Variants in KMT2D observed in about 807,000 individuals in gnomAD.
KMT2D encodes the protein lysine methyltransferase 2D.
KMT2D carries 55 observed loss-of-function variants against 512.7 expected under a neutral mutation model. The observed-to-expected ratio is 0.11, with a 90% confidence interval of 0.09 to 0.13. The LOEUF (loss-of-function observed/expected upper bound fraction) is 0.13. Among genes scored for constraint, KMT2D ranks in the 10% least tolerant of loss-of-function variants. The probability of loss-of-function intolerance (pLI) is 1.00; values close to 1 mark genes in which losing one functional copy is unlikely to be tolerated. For missense variants in KMT2D, 6,061 were observed against 7,127.9 expected (o/e 0.85, Z 5.39); for synonymous variants, 2,995 against 2,904.0 (o/e 1.03, Z -1.01).
chr12:49,045,660 A>AG (rs1176456230), intron 19 of KMT2D, among the ~76,000 whole-genome samples: 2 of 151,720 alleles, frequency 1.3e-5, no homozygotes, highest in Non-Finnish European at 1.5e-5. Flanking sequence ...AAAAAAAAAA[A>AG]AGAGATCTGA....
At position 49,029,493 on chromosome 12, in the gene KMT2D, GAGA is replaced by G. The variant is rs1162621670; in HGVS notation, c.14000-20_14000-18del. 1.3e-6 allele frequency: 2 copies of G among 1,549,712 alleles called. No individual in the cohort carries two copies. The highest frequency in any genetic ancestry group is 1.4e-5 in the African/African-American group (1 of 72,960). On this transcript the variant is annotated intron_variant, in intron 43 of 54. Transcript: ENST00000301067. Reference sequence around the variant, plus strand: ...CTGAAGTATCTGAGGGGTGGGTAGGGAGAAGAAAAGTCAGGTGAGGGTGGCCAG... The same window carrying G: ...CTGAAGTATCTGAGGGGTGGGTAGGGAGAAAAGTCAGGTGAGGGTGGCCAG...
Position 49,050,336 on chromosome 12 carries a change from T to G in KMT2D, c.3252A>C (p.Pro1084=). 2 of 1,611,504 alleles carry G rather than the reference T, an allele frequency of 1.2e-6. No individual in the cohort carries two copies. The highest frequency in any genetic ancestry group is 1.7e-6 in the Non-Finnish European group (2 of 1,178,744). Residue 1084 remains proline (P), a synonymous_variant, in exon 12 of 55, where the codon CCA becomes CCC. Transcript: ENST00000301067. ...GACTGGTGGCACTGGGTTCCAAGGCTGGGCATTCAGGTTCTGAAACTTTCT... is the reference window on the plus strand; with the variant it reads ...GACTGGTGGCACTGGGTTCCAAGGCGGGGCATTCAGGTTCTGAAACTTTCT... ...ETEKVSEPEC[P]ALEPSATSPL...
In KMT2D at chr12:49,043,902, C is replaced by T. The variant is rs777604931; in HGVS notation, c.5285G>A (p.Ser1762Asn). The T allele has an allele frequency of 1.9e-6, 3 of 1,614,074 alleles. No homozygotes were observed. The highest frequency in any genetic ancestry group is 2.2e-5 in the East Asian group (1 of 44,888). ...KKQQRRGRKK[S>N]KLEDMFPAYL... The stretch of plus-strand genomic sequence containing the variant: ...AGCAGGGAACATGTCCTCCAGTTTG[C>T]TCTTCTTGCGCCCTCGCCGCTGTTG... Residue 1762 changes from serine (S) to asparagine (N), a missense_variant, in exon 23 of 55, where the codon AGC (serine) becomes AAC (asparagine). Transcript: ENST00000301067.
rs1361679545 is a variant in KMT2D at position 49,034,056 on chromosome 12, C to T, written c.10740+11G>A. 3.7e-6 allele frequency: 6 copies of T among 1,609,242 alleles called. No homozygotes were observed. The African/African-American group carries it at 8.0e-5, about 21-fold the overall frequency. ...CTTCTGGGTGCTAGGCTGAAGTTTG[C>T]TTTCCCCCACCTGATCCAGTTGTTT... On this transcript the variant is annotated intron_variant, in intron 39 of 54. Coordinates refer to ENST00000301067, the MANE Select transcript of KMT2D (RefSeq NM_003482.4).
intron 35 of KMT2D, among the ~76,000 whole-genome samples, chr12:49,036,814 T>C (rs1943247132): frequency 6.6e-6 from 1 of 152,188 alleles, no homozygotes; most frequent in African/African-American, 2.4e-5. Flanking sequence ...CTGCTTTTTT[T>C]TGCACCACTT....
rs751946037 is a variant in KMT2D at position 49,034,208 on chromosome 12, A to G, written c.10599T>C (p.Gly3533=). Reference sequence around the variant, plus strand: ...GAGCCTTCCGGGACTTGCGGTGTACACCAATCTGCTCCTCTAGCACCTTCA... The same window carrying G: ...GAGCCTTCCGGGACTTGCGGTGTACGCCAATCTGCTCCTCTAGCACCTTCA... ...MQLKVLEEQI[G]VHRKSRKALC... The change falls in exon 39 of 55, where the codon GGT becomes GGC. Residue 3533 remains glycine (G), a synonymous_variant. Transcript: ENST00000301067. 2.0e-5 allele frequency: 32 copies of G among 1,613,368 alleles called. 1 individual carries two copies. The Admixed American group carries it at 2.0e-4, about 10-fold the overall frequency.
rs2120540825 is a variant in KMT2D, at chr12:49,041,056, G to A, written c.6714C>T (p.Pro2238=). 6.5e-7 allele frequency: 1 copy of A among 1,545,250 alleles called. No homozygotes were observed. Residue 2238 remains proline (P), a synonymous_variant, in exon 32 of 55, where the codon CCC becomes CCT. Coordinates refer to ENST00000301067, the MANE Select transcript of KMT2D (RefSeq NM_003482.4). The surrounding 1 kb of genome is among the most constrained non-coding windows in gnomAD (Gnocchi z 5.4). The part of the protein sequence containing the change: ...TTPPGTPRHQ[P]STPDPFLKPR... ...GTTTGAGGAATGGGTCAGGTGTGGA[G>A]GGCTGGTGTCTGGGGGTGCCAGGTG...
intron 35 of KMT2D, chr12:49,036,086 A>G (rs1052541715): frequency 1.3e-5 from 2 of 152,248 alleles, no homozygotes; most frequent in Non-Finnish European, 2.9e-5. Context: ...GACAAAAAGT[A>G]TAAAGTGCTC....
At position 49,028,149 on chromosome 12, in the gene KMT2D, G is replaced by A. The variant is rs772023281; in HGVS notation, c.14383-8C>T. On this transcript the variant is annotated splice_polypyrimidine_tract_variant and splice_region_variant and intron_variant, in intron 46 of 54. Transcript: ENST00000301067. ...CATCACGCCATTCAGGTTCTGCCAG[G>A]GCCAGGGAAGGGATGGAAGAAACAT... 3.1e-6 allele frequency: 5 copies of A among 1,613,826 alleles called. No homozygotes were observed. Among genetic ancestry groups the A allele is most frequent in the South Asian group, 2.2e-5 (2 of 91,068 alleles).
chr12:49,038,248 G>C lies in KMT2D; in HGVS notation c.9108C>G (p.Pro3036=), dbSNP rs779585766. 1.2e-6 allele frequency: 2 copies of C among 1,613,830 alleles called. No homozygotes were observed. The highest frequency in any genetic ancestry group is 1.1e-5 in the South Asian group (1 of 91,082). The change falls in exon 35 of 55, where the codon CCC becomes CCG. Residue 3036 remains proline (P), a synonymous_variant. Transcript: ENST00000301067. The surrounding 1 kb of genome is among the most constrained non-coding windows in gnomAD (Gnocchi z 5.7). ...CTCCATTGAGCAGGTCATCCAAGTG[G>C]GGGTCATTGGTCTCCAGGTTTTCTA... ...GTLENLETND[P]HLDDLLNGDE...
chr12:49,040,377 G>A lies in KMT2D; in HGVS notation c.7393C>T (p.Pro2465Ser), dbSNP rs2120528088. 6.4e-7 allele frequency: 1 copy of A among 1,565,684 alleles called. No homozygotes were observed. Among genetic ancestry groups the A allele is most frequent in the Non-Finnish European group, 8.7e-7 (1 of 1,155,226 alleles). Reference sequence around the variant, plus strand: ...TGGGGTCGGGGTGGCTTATGCAATGGGGCAAATGGGTCACGGGACTGAGGG... The same window carrying A: ...TGGGGTCGGGGTGGCTTATGCAATGAGGCAAATGGGTCACGGGACTGAGGG... Reference protein sequence around the residue: ...SRPQSRDPFAPLHKPPRPQPP... With the variant: ...SRPQSRDPFASLHKPPRPQPP... Residue 2465 changes from proline (P) to serine (S), a missense_variant, in exon 32 of 55, where the codon CCA (proline) becomes TCA (serine). This residue lies in a region of KMT2D where 710 missense variants were observed against 647.3 expected (regional missense o/e 1.10). Transcript: ENST00000301067.
chr12:49,040,076 T>C lies in KMT2D; in HGVS notation c.7694A>G (p.His2565Arg), dbSNP rs2120521844. The C allele has an allele frequency of 1.2e-6, 2 of 1,613,912 alleles. No individual in the cohort carries two copies. The highest frequency in any genetic ancestry group is 4.5e-5 in the East Asian group (2 of 44,866). The change falls in exon 32 of 55, where the codon CAT (histidine) becomes CGT (arginine). Residue 2565 changes from histidine (H) to arginine (R), a missense_variant. Physicochemically the swap from His to Arg is conservative, Grantham distance 29. Around this residue, in one of 16 missense-constraint regions of KMT2D, gnomAD observed 710 missense variants for 647.3 expected, o/e 1.10. Transcript: ENST00000301067. ...GLPPPHGINSHFGPGPTLGKP... is the reference protein window; with the variant it reads ...GLPPPHGINSRFGPGPTLGKP... ...GCCCAAGGTGGGGCCGGGCCCAAAA[T>C]GGCTGTTGATCCCATGGGGTGGCGG...
In KMT2D at chr12:49,026,134, GA is replaced by G. The variant is rs1361748924; in HGVS notation, c.15784+47del. 6.7e-7 allele frequency: 1 copy of G among 1,498,748 alleles called. No homozygotes were observed. Among genetic ancestry groups the G allele is most frequent in the African/African-American group, 1.4e-5 (1 of 71,374 alleles). The allele number at this position is 1,498,748 out of a possible 1,614,324, so 92.8% of individuals were successfully genotyped here. ...AGACATTGTAACAGTGACCCTGGGA[GA>G]AACTTTTCCCATTCCATATTATCCA... On this transcript the variant is annotated intron_variant, in intron 49 of 54. Coordinates refer to ENST00000301067, the MANE Select transcript of KMT2D (RefSeq NM_003482.4). The surrounding 1 kb of genome is among the most constrained non-coding windows in gnomAD (Gnocchi z 9.6).
chr12:49,046,288 G>C lies in KMT2D; in HGVS notation c.4555C>G (p.Leu1519Val), dbSNP rs2120603853. The change falls in exon 17 of 55, where the codon CTA (leucine) becomes GTA (valine). Residue 1519 changes from leucine to valine, a missense_variant. Leu to Val is a conservative substitution (Grantham distance 32, BLOSUM62 1). Transcript: ENST00000301067. The surrounding 1 kb of genome is among the most constrained non-coding windows in gnomAD (Gnocchi z 4.2). The part of the protein sequence containing the change: ...ICHAPYVEED[L>V]LIQCRHCERW... ...TCACAGTGGCGGCACTGGATTAGTA[G>C]GTCCTCTTCTACGTAAGGAGCATGA... 6.2e-7 allele frequency: 1 copy of C among 1,613,982 alleles called. No homozygotes were observed. Among genetic ancestry groups the C allele is most frequent in the South Asian group, 1.1e-5 (1 of 91,084 alleles).
rs779328648 is a variant in KMT2D at position 49,053,504 on chromosome 12, G to A, written c.811C>T (p.Pro271Ser). The A allele has an allele frequency of 6.2e-7, 1 of 1,609,234 alleles. No individual in the cohort carries two copies. The highest frequency in any genetic ancestry group is 8.5e-7 in the Non-Finnish European group (1 of 1,177,680). The change falls in exon 7 of 55, where the codon CCT (proline) becomes TCT (serine). Residue 271 changes from proline to serine, a missense_variant. By Grantham distance (74) the Pro-to-Ser change is moderately conservative. This residue lies in a region of KMT2D where 160 missense variants were observed against 225.8 expected (regional missense o/e 0.71). Coordinates refer to ENST00000301067, the MANE Select transcript of KMT2D (RefSeq NM_003482.4). ...CAGGCTTGGCACACTTTGCATTCAG[G>A]GCACTGCCAGCCAGCACGTTTGCGG... The part of the protein sequence containing the change: ...TARKRAGWQC[P>S]ECKVCQACRK...
In KMT2D at chr12:49,050,696, T is replaced by G. The variant is rs2120655505; in HGVS notation, c.2892A>C (p.Lys964Asn). 6.2e-7 allele frequency: 1 copy of G among 1,613,398 alleles called. No individual in the cohort carries two copies. The highest frequency in any genetic ancestry group is 8.5e-7 in the Non-Finnish European group (1 of 1,179,728). The stretch of plus-strand genomic sequence containing the variant: ...ACGGTGACTCAGGGTCACTGTCCCC[T>G]TTGGCACCAAAGGGGTACTCTAACT... ...LGELEYPFGA[K>N]GDSDPESPLA... Residue 964 changes from lysine (K) to asparagine (N), a missense_variant, in exon 12 of 55, where the codon AAA (lysine) becomes AAC (asparagine). Around this residue, in one of 16 missense-constraint regions of KMT2D, gnomAD observed 848 missense variants for 838.5 expected, o/e 1.01. Coordinates refer to ENST00000301067, the MANE Select transcript of KMT2D (RefSeq NM_003482.4).
rs587778482 is a variant in KMT2D, at chr12:49,030,310, A to G, written c.13969T>C (p.Ser4657Pro). The G allele has an allele frequency of 6.3e-7, 1 of 1,586,560 alleles. No individual in the cohort carries two copies. Among genetic ancestry groups the G allele is most frequent in the Non-Finnish European group, 8.6e-7 (1 of 1,164,118 alleles). The change falls in exon 43 of 55, where the codon TCT (serine) becomes CCT (proline). Residue 4657 changes from serine (S) to proline (P), a missense_variant. Ser to Pro is a moderately conservative substitution (Grantham distance 74, BLOSUM62 -1). Coordinates refer to ENST00000301067, the MANE Select transcript of KMT2D (RefSeq NM_003482.4). ...AGTGCCCTTTCACTATCCCGGGCAG[A>G]GGCAGCATCCTTGGGGTGCTCCCCC... ...ELGEHPKDAA[S>P]ARDSERALRD... is the part of the protein sequence containing the mutation.
rs2120676858 is a variant in KMT2D at position 49,051,816 on chromosome 12, C to T, written c.1867G>A (p.Ala623Thr). Reference sequence around the variant, plus strand: ...TCAGGTGGTGGGGACAGGCGTGATGCCTCAGGTGGTGGGGAAAGGGGAGAC... The same window carrying T: ...TCAGGTGGTGGGGACAGGCGTGATGTCTCAGGTGGTGGGGAAAGGGGAGAC... ...EESPLSPPPEASRLSPPPEDS... is the reference protein window; with the variant it reads ...EESPLSPPPETSRLSPPPEDS... The change falls in exon 11 of 55, where the codon GCA becomes ACA. Residue 623 changes from alanine (A) to threonine (T), a missense_variant. Ala to Thr is a moderately conservative substitution (Grantham distance 58). This residue lies in a region of KMT2D where 848 missense variants were observed against 838.5 expected (regional missense o/e 1.01). Transcript: ENST00000301067. 1.2e-6 allele frequency: 2 copies of T among 1,612,834 alleles called. No homozygotes were observed. Among genetic ancestry groups the T allele is most frequent in the South Asian group, 1.1e-5 (1 of 91,046 alleles).
chr12:49,042,415 C>A lies in KMT2D; in HGVS notation c.5868-85G>T. The A allele has an allele frequency of 6.7e-7, 1 of 1,502,500 alleles. No homozygotes were observed. The highest frequency in any genetic ancestry group is 1.3e-5 in the South Asian group (1 of 76,192). The allele number at this position is 1,502,500 out of a possible 1,614,324, so 93.1% of individuals were successfully genotyped here. On this transcript the variant is annotated intron_variant, in intron 28 of 54. Coordinates refer to ENST00000301067, the MANE Select transcript of KMT2D (RefSeq NM_003482.4). This position sits in a 1 kb window ranked among gnomAD's most constrained non-coding sequence, Gnocchi z 4.4. ...ACTGCCTAGAGCCCCAGGCCACTGC[C>A]CTGCCCCAAAAGAGGAGGGTCACTA...
Sources: allele counts gnomAD v4.1 joint callset (sites outside exome capture counted in the v4.1 genomes callset), GRCh38; gene constraint gnomAD v4.1.1; regional missense constraint gnomAD v4.1.1; non-coding constraint Gnocchi (gnomAD v3.1); transcripts MANE v1.5; gene names NCBI Gene and HGNC (gene_info 2026-07-23, HGNC 2026-07-21).